The following LYPD6 variants were observed in gnomAD, a reference collection of about 807,000 sequenced individuals.
LYPD6 encodes LY6/PLAUR domain containing 6.
Under a neutral mutation model 22.7 loss-of-function variants are expected in LYPD6, and 15 were observed. The observed-to-expected ratio is 0.66, with a 90% CI of 0.44 to 1.02. The LOEUF (loss-of-function observed/expected upper bound fraction) is 1.02. Ranked by LOEUF, LYPD6 falls within the 50% of genes least tolerant of loss-of-function variation. LYPD6 has a pLI of 0.00. For synonymous variants in LYPD6, 72 were observed against 77.5 expected, an observed-to-expected ratio of 0.93 and a Z score of 0.37; for missense variants, 189 against 208.4, an observed-to-expected ratio of 0.91 and a Z score of 0.57.
At chr2:149,342,169 G>A (rs1681175240) in intron 1 of LYPD6, among the ~76,000 whole-genome samples, 1 of 151,998 alleles carries the variant, frequency 6.6e-6, no homozygotes, top group Non-Finnish European at 1.5e-5. Flanking sequence ...TGGAAAGTTA[G>A]GTATGATATT....
At chr2:149,384,233 A>T (rs1303299095) in intron 1 of LYPD6, among the ~76,000 whole-genome samples, 1 of 152,240 alleles carries the variant, frequency 6.6e-6, no homozygotes, top group East Asian at 1.9e-4. Flanking sequence ...GCAATTAGCA[A>T]AATATATATA....
intron 1 of LYPD6, among the ~76,000 whole-genome samples, chr2:149,347,963 C>G (rs144665943): frequency 6.6e-6 from 1 of 151,166 alleles, no homozygotes; most frequent in East Asian, 2.0e-4. Flanking sequence ...AGCCTGTAAT[C>G]CCAGCATTTT....
intron 1 of LYPD6, among the ~76,000 whole-genome samples, chr2:149,412,150 A>AAAATGAATAGGTACTG (rs1368663402): frequency 6.6e-6 from 1 of 152,224 alleles, no homozygotes; most frequent in Non-Finnish European, 1.5e-5. Flanking sequence ...ATACATTTAA[A>AAAATGAATAGGTACTG]AAATGAATAG....
chr2:149,439,803 A>G (rs1195916189), intron 2 of LYPD6: 1 of 152,238 alleles, frequency 6.6e-6, no homozygotes, highest in Non-Finnish European at 1.5e-5. Flanking sequence ...ATGTTAATTA[A>G]GTAAAGCCAT....
intron 3 of LYPD6, among the ~76,000 whole-genome samples, chr2:149,459,206 T>C (rs1467060393): frequency 6.6e-6 from 1 of 152,172 alleles, no homozygotes; most frequent in Non-Finnish European, 1.5e-5. Context: ...TGAAACGTTT[T>C]CATCAGAAAC....
chr2:149,332,630 A>G (rs1680960312), intron 1 of LYPD6, among the ~76,000 whole-genome samples: 1 of 152,150 alleles, frequency 6.6e-6, no homozygotes, highest in Non-Finnish European at 1.5e-5. Context: ...GTGTTTTTCA[A>G]ATTCTTTCCT....
At chr2:149,465,787 A>G (rs754007382) in intron 3 of LYPD6, among the ~76,000 whole-genome samples, 1 of 152,184 alleles carries the variant, frequency 6.6e-6, no homozygotes. Flanking sequence ...CATAAAAATT[A>G]TATTTTCCAA....
intron 3 of LYPD6, chr2:149,464,080 A>G: frequency 2.4e-6 from 1 of 414,042 alleles, no homozygotes. Flanking sequence ...AATGCATGGG[A>G]ATCTACAGTT....
At chr2:149,371,496 G>T (rs1272473997) in intron 1 of LYPD6, among the ~76,000 whole-genome samples, 3 of 152,194 alleles carry the variant, frequency 2.0e-5, no homozygotes, top group African/African-American at 4.8e-5. Context: ...ACCAAAAAGA[G>T]GATGGGATGA....
intron 2 of LYPD6, among the ~76,000 whole-genome samples, chr2:149,443,614 A>G (rs1031226298): frequency 1.3e-5 from 2 of 152,188 alleles, no homozygotes; most frequent in African/African-American, 4.8e-5. Context: ...TAGGGAAACT[A>G]TTTTTTAATG....
chr2:149,478,825 C>G (rs999572441), downstream of LYPD6, among the ~76,000 whole-genome samples: 5 of 152,114 alleles, frequency 3.3e-5, no homozygotes, highest in African/African-American at 1.2e-4. Context: ...GCACTTCACC[C>G]CTGGTACTTA....
chr2:149,337,469 T>A (rs984986376), intron 1 of LYPD6, among the ~76,000 whole-genome samples: 35 of 152,242 alleles, frequency 2.3e-4, no homozygotes, highest in African/African-American at 7.7e-4. Context: ...GCCACTTGCA[T>A]CCATCTCTCA....
downstream of LYPD6, among the ~76,000 whole-genome samples, chr2:149,477,688 A>G (rs1346846422): frequency 6.6e-6 from 1 of 151,856 alleles, no homozygotes; most frequent in East Asian, 1.9e-4. Context: ...AGTATTTAGG[A>G]AAAAAGCATA....
chr2:149,477,461 A>G (rs367737287), downstream of LYPD6, among the ~76,000 whole-genome samples: 3 of 152,076 alleles, frequency 2.0e-5, no homozygotes, highest in African/African-American at 4.8e-5. Context: ...TGTCTCTACT[A>G]AAAAAACAAA....
At chr2:149,372,309 G>A (rs539386003) in intron 1 of LYPD6, among the ~76,000 whole-genome samples, 8 of 152,174 alleles carry the variant, frequency 5.3e-5, no homozygotes, top group Admixed American at 1.3e-4. Flanking sequence ...GACTATAACC[G>A]TATACTTTGC....
At chr2:149,406,639 A>G (rs1461992904) in intron 1 of LYPD6, among the ~76,000 whole-genome samples, 2 of 152,108 alleles carry the variant, frequency 1.3e-5, no homozygotes, top group Non-Finnish European at 2.9e-5. Flanking sequence ...TGCACGTGAG[A>G]TGGGTTTCCT....
chr2:149,343,687 G>C (rs1411896875), intron 1 of LYPD6, among the ~76,000 whole-genome samples: 1 of 152,182 alleles, frequency 6.6e-6, no homozygotes, highest in African/African-American at 2.4e-5. Context: ...GGAAAGGAAA[G>C]ATGTTGAGAT....
intron 1 of LYPD6, among the ~76,000 whole-genome samples, chr2:149,394,831 C>A (rs1340152817): frequency 6.6e-6 from 1 of 152,134 alleles, no homozygotes; most frequent in Admixed American, 6.6e-5. Flanking sequence ...TGTAGATGTC[C>A]ACATTTCTAT....
Position 149,437,856 on chromosome 2 carries a change from T to C in LYPD6, c.118+30T>C, listed in dbSNP as rs750308483. ...GACTGTTCTCTTTGCTGCAGAAATATCACTTTATTTCAAATAAGAAGTGGT... is the reference window on the plus strand; with the variant it reads ...GACTGTTCTCTTTGCTGCAGAAATACCACTTTATTTCAAATAAGAAGTGGT... On this transcript the variant is annotated intron_variant, in intron 2 of 4. Transcript: ENST00000334166. 5 of 1,608,652 alleles carry C rather than the reference T, an allele frequency of 3.1e-6. No homozygotes were observed. In the African/African-American group the frequency reaches 4.0e-5, roughly 13 times the overall value.
Sources: allele counts gnomAD v4.1 joint callset (sites outside exome capture counted in the v4.1 genomes callset), GRCh38; gene constraint gnomAD v4.1.1; transcripts MANE v1.5; gene names NCBI Gene and HGNC (gene_info 2026-07-23, HGNC 2026-07-21).